The following TET3 variants were observed in gnomAD, a reference collection of about 807,000 sequenced individuals.
TET3 encodes methylcytosine dioxygenase TET3.
In TET3, 19 loss-of-function variants were observed where a neutral mutation model predicts 141.4. The ratio of observed to expected loss-of-function variants is 0.13; its 90% CI spans 0.09 to 0.20. The LOEUF (loss-of-function observed/expected upper bound fraction) is 0.20. TET3 is among the 10% of genes least tolerant of loss of function. The pLI is 1.00. For missense variants in TET3, 1,874 were observed against 2,356.9 expected, an observed-to-expected ratio of 0.80 and a Z score of 4.24; for synonymous variants, 1,043 against 980.9, an observed-to-expected ratio of 1.06 and a Z score of -1.18.
At chr2:74,124,154 CATCT>C in the TET3 span, among the ~76,000 whole-genome samples, 1 of 151,820 alleles carries the variant, frequency 6.6e-6, no homozygotes, top group African/African-American at 2.4e-5. Context: ...CCAGCCGCCC[CATCT>C]GGGAGGGAGG....
At chr2:73,988,850 C>G (rs10496194) in intron 2 of TET3, among the ~76,000 whole-genome samples, 11,012 of 150,200 alleles carry the variant, frequency 0.073, 897 homozygotes, top group African/African-American at 0.19. Context: ...TTCTACTTCT[C>G]GATGTTTAAA....
At chr2:74,060,918 C>T (rs1688478316) in intron 4 of TET3, among the ~76,000 whole-genome samples, 2 of 152,244 alleles carry the variant, frequency 1.3e-5, no homozygotes, top group Admixed American at 1.3e-4. Flanking sequence ...CTACCTCTTT[C>T]TACACAGACA....
intron 2 of TET3, chr2:74,002,770 G>A: frequency 1.9e-6 from 1 of 534,972 alleles, no homozygotes; most frequent in Non-Finnish European, 3.3e-6. Context: ...TGGGAGGCCC[G>A]CCGGCCGATG....
In TET3 at chr2:74,093,599, C is replaced by T. The variant is rs1231246941; in HGVS notation, c.3200C>T (p.Thr1067Met). 6.2e-7 allele frequency: 1 copy of T among 1,613,626 alleles called. No individual in the cohort carries two copies. The highest frequency in any genetic ancestry group is 8.5e-7 in the Non-Finnish European group (1 of 1,179,732). ...GAAGGACGGCCCTTCGCGGGGGTCA[C>T]GGCCTGCATGGACTTCTGTGCCCAC... ...LKEGRPFAGV[T>M]ACMDFCAHAH... Residue 1067 changes from threonine (T) to methionine (M), a missense_variant, in exon 10 of 12, where the codon ACG (threonine) becomes ATG (methionine). By Grantham distance (81) the Thr-to-Met change is moderately conservative. This residue lies in a region of TET3 where 126 missense variants were observed against 327.4 expected (regional missense o/e 0.38). Transcript: ENST00000409262. The surrounding 1 kb of genome is among the most constrained non-coding windows in gnomAD (Gnocchi z 4.2).
chr2:73,986,700 C>A lies in TET3; in HGVS notation c.297C>A (p.Leu99=). Residue 99 remains leucine (L), a synonymous_variant, in exon 2 of 12, where the codon CTC becomes CTA. Coordinates refer to ENST00000409262, the MANE Select transcript of TET3 (RefSeq NM_001287491.2). ...CEVLKKKVGL[L]KEVEIKAGEG... ...TGCTGAAGAAAAAAGTAGGGCTTCT[C>A]AAGGAGGTAAGCCGGCCCTTGCTGG... 1.6e-6 allele frequency: 2 copies of A among 1,231,982 alleles called. No individual in the cohort carries two copies. The highest frequency in any genetic ancestry group is 8.2e-5 in the South Asian group (2 of 24,284). The allele number at this position is 1,231,982 out of a possible 1,614,324, so 76.3% of individuals were successfully genotyped here.
intron 6 of TET3, among the ~76,000 whole-genome samples, chr2:74,086,666 T>G (rs1690175110): frequency 1.3e-5 from 2 of 151,888 alleles, no homozygotes. Context: ...GGCGTGTGTC[T>G]GTAGTCCCGG....
the TET3 span, among the ~76,000 whole-genome samples, chr2:74,125,471 C>G: frequency 6.6e-6 from 1 of 152,174 alleles, no homozygotes. Context: ...TCAAGTTTTT[C>G]ATGCTGAGAT....
intron 4 of TET3, among the ~76,000 whole-genome samples, chr2:74,049,961 A>G (rs953858023): frequency 6.6e-6 from 1 of 151,860 alleles, no homozygotes; most frequent in Non-Finnish European, 1.5e-5. Context: ...GGGCCCTCTT[A>G]TTTACCAGCA....
chr2:73,994,638 CTTTTTTT>C (rs572235939), intron 2 of TET3, among the ~76,000 whole-genome samples: 3 of 96,730 alleles, frequency 3.1e-5, no homozygotes, highest in Middle Eastern at 5.1e-3. Flanking sequence ...TTCTTTCTTT[CTTTTTTT>C]TTTTTTTTTT....
chr2:74,071,534 T>C (rs1338358738), intron 4 of TET3, among the ~76,000 whole-genome samples: 2 of 152,246 alleles, frequency 1.3e-5, no homozygotes, highest in African/African-American at 4.8e-5. Flanking sequence ...CTGTATACCC[T>C]TTATATACTT....
At position 74,072,060 on chromosome 2, in the gene TET3, C is replaced by T. The variant is rs540503770; in HGVS notation, c.2495-1489C>T. On this transcript the variant is annotated intron_variant, in intron 4 of 11. Transcript: ENST00000409262. The stretch of plus-strand genomic sequence containing the variant: ...TATTTTCATGATTCCAAAAAAACAC[C>T]GTTACCCATTAAGCAGTTACTCCTC... Among the ~76,000 whole-genome samples the T allele has an allele frequency of 9.2e-5, 14 of 152,274 alleles. No individual in the cohort carries two copies. The South Asian group carries it at 1.9e-3, about 20-fold the overall frequency.
chr2:74,005,815 T>A (rs1359852980), intron 3 of TET3, among the ~76,000 whole-genome samples: 1 of 152,210 alleles, frequency 6.6e-6, no homozygotes, highest in East Asian at 1.9e-4. Context: ...AAACGCAAGT[T>A]GACATTTTAT....
intron 4 of TET3, among the ~76,000 whole-genome samples, chr2:74,062,066 A>C (rs1235740212): frequency 6.6e-6 from 1 of 152,222 alleles, no homozygotes; most frequent in African/African-American, 2.4e-5. Flanking sequence ...AGGCCAAGGC[A>C]GGTGGCTGGG....
At chr2:74,034,171 A>C (rs1467799287) in intron 3 of TET3, among the ~76,000 whole-genome samples, 8 of 151,662 alleles carry the variant, frequency 5.3e-5, no homozygotes, top group African/African-American at 9.7e-5. Flanking sequence ...TAAAAAAAAA[A>C]AACAACAAAC....
At position 74,094,768 on chromosome 2, in the gene TET3, C is replaced by T. The variant is rs937663265; in HGVS notation, c.3267+1102C>T. ...TGTGAGCAGGACTTGAGGAGCACTC[C>T]AAGGCTTTTTGCTTCAGCATCTGGG... On this transcript the variant is annotated intron_variant, in intron 10 of 11. Coordinates refer to ENST00000409262, the MANE Select transcript of TET3 (RefSeq NM_001287491.2). 7.9e-5 allele frequency among the ~76,000 whole-genome samples: 12 copies of T among 152,246 alleles called. No homozygotes were observed. In the Middle Eastern group the frequency reaches 0.014, roughly 173 times the overall value.
chr2:74,088,467 C>T (rs547963299), intron 7 of TET3, among the ~76,000 whole-genome samples: 1 of 151,586 alleles, frequency 6.6e-6, no homozygotes, highest in African/African-American at 2.4e-5. Context: ...ACGGTGAAAC[C>T]CCATCTCTAC....
intron 4 of TET3, among the ~76,000 whole-genome samples, chr2:74,062,149 C>G (rs188914947): frequency 0.013 from 1,945 of 152,312 alleles, 37 homozygotes; most frequent in African/African-American, 0.043. Context: ...CTGAGTGAAC[C>G]AGACTCCGTC....
At chr2:74,018,968 A>G (rs1158118473) in intron 3 of TET3, among the ~76,000 whole-genome samples, 2 of 152,166 alleles carry the variant, frequency 1.3e-5, no homozygotes, top group Non-Finnish European at 2.9e-5. Context: ...TTTTAAGGCC[A>G]GGTGTGGTGG....
intron 2 of TET3, among the ~76,000 whole-genome samples, chr2:73,988,958 G>A (rs1194262191): frequency 8.0e-6 from 1 of 124,604 alleles, no homozygotes; most frequent in African/African-American, 3.2e-5. Flanking sequence ...ATACAAAATG[G>A]TAACCAGTGC....
Sources: allele counts gnomAD v4.1 joint callset (sites outside exome capture counted in the v4.1 genomes callset), GRCh38; gene constraint gnomAD v4.1.1; regional missense constraint gnomAD v4.1.1; non-coding constraint Gnocchi (gnomAD v3.1); transcripts MANE v1.5; gene names NCBI Gene and HGNC (gene_info 2026-07-23, HGNC 2026-07-21).